The following CYP19A1 variants were observed in gnomAD, a reference collection of about 807,000 sequenced individuals.
CYP19A1 encodes aromatase.
In CYP19A1, 32 loss-of-function variants were observed where a neutral mutation model predicts 44.4. The ratio of observed to expected loss-of-function variants is 0.72; its 90% CI spans 0.54 to 0.97. The LOEUF (loss-of-function observed/expected upper bound fraction) is 0.97, where lower values mean the gene tolerates loss of function less well. Ranked by LOEUF, CYP19A1 falls within the 50% of genes least tolerant of loss-of-function variation. The pLI is 0.00. For missense variants in CYP19A1, 598 were observed against 637.8 expected, an observed-to-expected ratio of 0.94 and a Z score of 0.67; for synonymous variants, 212 against 215.6, an observed-to-expected ratio of 0.98 and a Z score of 0.14.
In CYP19A1 at chr15:51,218,545, A is replaced by G. The variant is rs1266126561; in HGVS notation, c.739T>C (p.Ser247Pro). The G allele has an allele frequency of 6.2e-7, 1 of 1,612,598 alleles. No individual in the cohort carries two copies. The highest frequency in any genetic ancestry group is 8.5e-7 in the Non-Finnish European group (1 of 1,179,336). The change falls in exon 6 of 10, where the codon TCT (serine) becomes CCT (proline). Residue 247 changes from serine to proline, a missense_variant. Ser to Pro is a moderately conservative substitution (Grantham distance 74, BLOSUM62 -1). Transcript: ENST00000396402. ...ISWLYKKYEK[S>P]VKDLKDAIEV... ...TTCCAAAGTTGTATTACTTACACAG[A>G]CTTCTCATACTTTTTGTATAGCCAA... is the stretch of plus-strand genomic sequence containing the variant.
chr15:51,304,521 C>T (rs541844893), intron 1 of CYP19A1, among the ~76,000 whole-genome samples: 10 of 152,300 alleles, frequency 6.6e-5, no homozygotes, highest in African/African-American at 2.4e-4. Flanking sequence ...TCAAGTTAAC[C>T]ATGGTTTTCA....
At chr15:51,262,769 A>T (rs1320671153) in intron 1 of CYP19A1, among the ~76,000 whole-genome samples, 1 of 152,230 alleles carries the variant, frequency 6.6e-6, no homozygotes, top group African/African-American at 2.4e-5. Context: ...TAGCTCTTAG[A>T]AAATTTCATG....
chr15:51,234,994 G>C (rs138258239), intron 3 of CYP19A1, among the ~76,000 whole-genome samples: 2 of 152,178 alleles, frequency 1.3e-5, no homozygotes, highest in African/African-American at 4.8e-5. Context: ...GGGGAAGGCA[G>C]ACCCTGGGCT....
intron 1 of CYP19A1, among the ~76,000 whole-genome samples, chr15:51,316,614 C>T (rs1039102232): frequency 1.1e-4 from 17 of 151,754 alleles, no homozygotes; most frequent in Admixed American, 9.8e-4. Flanking sequence ...TATGGTGGCT[C>T]ACCCCTGTAA....
chr15:51,265,245 C>T (rs1007152216), intron 1 of CYP19A1, among the ~76,000 whole-genome samples: 7 of 152,208 alleles, frequency 4.6e-5, no homozygotes, highest in East Asian at 3.8e-4. Context: ...GGTCAGACAG[C>T]GTTCCATGTC....
chr15:51,222,560 A>G, intron 4 of CYP19A1, 35 bp from the exon 5 acceptor site: 1 of 1,574,750 alleles, frequency 6.4e-7, no homozygotes, highest in Non-Finnish European at 8.7e-7. Context: ...AGCCATCACG[A>G]ACTCCAGGGC....
intron 1 of CYP19A1, among the ~76,000 whole-genome samples, chr15:51,308,010 T>G (rs1305634344): frequency 6.6e-6 from 1 of 152,226 alleles, no homozygotes; most frequent in East Asian, 1.9e-4. Context: ...CAAGTTTCAT[T>G]TCCTTTCTCC....
intron 2 of CYP19A1, among the ~76,000 whole-genome samples, chr15:51,241,052 C>T (rs2033731784): frequency 6.6e-6 from 1 of 152,176 alleles, no homozygotes; most frequent in African/African-American, 2.4e-5. Context: ...AGCTGAGCTC[C>T]TACCTCAGAC....
intron 1 of CYP19A1, among the ~76,000 whole-genome samples, chr15:51,296,676 A>G (rs1304140168): frequency 6.6e-6 from 1 of 152,224 alleles, no homozygotes; most frequent in African/African-American, 2.4e-5. Context: ...TGTTTGCCGA[A>G]CATTAAACAA....
chr15:51,283,279 C>T (rs1306251910), intron 1 of CYP19A1, among the ~76,000 whole-genome samples: 1 of 152,172 alleles, frequency 6.6e-6, no homozygotes, highest in Non-Finnish European at 1.5e-5. Context: ...AAGTGAATGG[C>T]CACCTCTTCT....
intron 4 of CYP19A1, among the ~76,000 whole-genome samples, chr15:51,224,797 C>A (rs544956584): frequency 2.4e-4 from 37 of 152,314 alleles, no homozygotes; most frequent in African/African-American, 8.9e-4. Context: ...ACTGAGAGGT[C>A]TTTGGTGATC....
chr15:51,304,890 C>CATTTTTTTTTTTTTTTTTTTTT (rs1555398466), intron 1 of CYP19A1, among the ~76,000 whole-genome samples: 1 of 104,572 alleles, frequency 9.6e-6, no homozygotes, highest in Non-Finnish European at 1.8e-5. Context: ...GTGTCTCTTC[C>CATTTTTTTTTTTTTTTTTTTTT]TTTTTTTTTT....
chr15:51,320,062 C>G (rs2036500408), intron 1 of CYP19A1, among the ~76,000 whole-genome samples: 1 of 152,268 alleles, frequency 6.6e-6, no homozygotes, highest in African/African-American at 2.4e-5. Context: ...CCTCCTTTCA[C>G]AGATGTGGAG....
At chr15:51,334,880 A>G (rs1314812318) in intron 1 of CYP19A1, among the ~76,000 whole-genome samples, 1 of 152,204 alleles carries the variant, frequency 6.6e-6, no homozygotes, top group East Asian at 1.9e-4. Flanking sequence ...GGCATCCCAC[A>G]TCTGTCCTGT....
chr15:51,317,141 G>A (rs1203449701), intron 1 of CYP19A1, among the ~76,000 whole-genome samples: 4 of 145,756 alleles, frequency 2.7e-5, no homozygotes, highest in South Asian at 2.1e-4. Context: ...TCACTCTATC[G>A]CCCAGGCTAG....
At chr15:51,315,623 C>A (rs914736760) in intron 1 of CYP19A1, among the ~76,000 whole-genome samples, 1 of 152,158 alleles carries the variant, frequency 6.6e-6, no homozygotes, top group Non-Finnish European at 1.5e-5. Context: ...AGAAATAATT[C>A]TTGAATAAAT....
chr15:51,259,575 G>A (rs1001750662), intron 1 of CYP19A1, among the ~76,000 whole-genome samples: 3 of 152,182 alleles, frequency 2.0e-5, no homozygotes, highest in Admixed American at 2.0e-4. Context: ...GGAGGGTGAA[G>A]ATGGCATAGT....
At chr15:51,317,286 T>C (rs1048712748) in intron 1 of CYP19A1, among the ~76,000 whole-genome samples, 1 of 152,028 alleles carries the variant, frequency 6.6e-6, no homozygotes, top group African/African-American at 2.4e-5. Flanking sequence ...TTTTTTTGTA[T>C]TTTTAGTAGA....
At chr15:51,324,283 G>A (rs4774585) in intron 1 of CYP19A1, among the ~76,000 whole-genome samples, 28,310 of 152,218 alleles carry the variant, frequency 0.19, 2,904 homozygotes, top group Admixed American at 0.26. Flanking sequence ...TTTTATAAAG[G>A]CATAACTTCT....
Sources: allele counts gnomAD v4.1 joint callset (sites outside exome capture counted in the v4.1 genomes callset), GRCh38; gene constraint gnomAD v4.1.1; transcripts MANE v1.5; gene names NCBI Gene and HGNC (gene_info 2026-07-23, HGNC 2026-07-21).